MAPRE3: variants seen among roughly 807,000 people sequenced by gnomAD.
The protein encoded by MAPRE3 is microtubule-associated protein RP/EB family member 3.
In MAPRE3, 2 loss-of-function variants were observed where a neutral mutation model predicts 30.5. The ratio of observed to expected loss-of-function variants is 0.07; its 90% CI spans 0.03 to 0.21. The LOEUF (loss-of-function observed/expected upper bound fraction) is 0.21. Ranked by LOEUF, MAPRE3 falls within the 10% of genes least tolerant of loss-of-function variation. The pLI, the probability that MAPRE3 is intolerant of heterozygous loss-of-function variation, is 1.00. For synonymous variants in MAPRE3, 110 were observed against 127.7 expected, an observed-to-expected ratio of 0.86 and a Z score of 0.93; for missense variants, 204 against 351.8, an observed-to-expected ratio of 0.58 and a Z score of 3.36.
At chr2:27,007,023 T>A (rs4665934) in intron 1 of MAPRE3, among the ~76,000 whole-genome samples, 56,953 of 151,580 alleles carry the variant, frequency 0.38, 10,942 homozygotes, top group Admixed American at 0.51. Context: ...AGAATTTATA[T>A]CCTGTCTTTA....
At position 27,022,131 on chromosome 2, in the gene MAPRE3, A is replaced by G. The variant is rs1667121613; in HGVS notation, c.-7-81A>G. On this transcript the variant is annotated intron_variant, in intron 1 of 6. Coordinates refer to ENST00000233121, the MANE Select transcript of MAPRE3 (RefSeq NM_012326.4). ...GAGGGAATGTTTCTTACTTCCCAGT[A>G]TCATACAGCCCCTCTCTCTTGACAG... The G allele has an allele frequency of 8.0e-6, 12 of 1,509,158 alleles. No homozygotes were observed. The South Asian group carries it at 1.3e-4, about 17-fold the overall frequency. 93.5% of individuals were successfully genotyped at this position (1,509,158 alleles called of 1,614,324 possible). A position where few individuals can be genotyped will look rare whatever the true frequency, so the allele number is the denominator to read the frequency against.
Position 27,025,573 on chromosome 2 carries a change from C to T in MAPRE3, c.470-10C>T. 6.4e-7 allele frequency: 1 copy of T among 1,560,242 alleles called. No homozygotes were observed. Among genetic ancestry groups the T allele is most frequent in the Non-Finnish European group, 8.7e-7 (1 of 1,155,532 alleles). On this transcript the variant is annotated splice_polypyrimidine_tract_variant and intron_variant, in intron 4 of 6. Coordinates refer to ENST00000233121, the MANE Select transcript of MAPRE3 (RefSeq NM_012326.4). ...CACGTGGACTTACCTGACTCTTTTC[C>T]TCTGGGCAGTTCCACAGAGGACGTC...
At chr2:27,017,672 C>T (rs914170205) in intron 1 of MAPRE3, among the ~76,000 whole-genome samples, 1 of 152,158 alleles carries the variant, frequency 6.6e-6, no homozygotes, top group African/African-American at 2.4e-5. Context: ...AGTGGCAGAA[C>T]ATCCCAATGT....
chr2:26,994,557 A>G (rs1245239796), intron 1 of MAPRE3, among the ~76,000 whole-genome samples: 8 of 152,300 alleles, frequency 5.3e-5, no homozygotes, highest in South Asian at 4.1e-4. Context: ...AGATTCCATA[A>G]TAAGCCATCC....
rs1451865361 is a variant in MAPRE3, at chr2:27,018,927, A to ATTTT, written c.-7-3282_-7-3279dup. On this transcript the variant is annotated intron_variant, in intron 1 of 6. Coordinates refer to ENST00000233121, the MANE Select transcript of MAPRE3 (RefSeq NM_012326.4). The stretch of plus-strand genomic sequence containing the variant: ...TATTTATTTATTTATTTATTTATTT[A>ATTTT]TTTTTTGGAGATGGATTCTGGCTCT... 6.6e-4 allele frequency among the ~76,000 whole-genome samples: 99 copies of ATTTT among 150,950 alleles called. 6 individuals carry two copies. The highest frequency in any genetic ancestry group is 2.1e-3 in the South Asian group (10 of 4,790).
Position 27,015,225 on chromosome 2 carries a change from T to G in MAPRE3, c.-7-6987T>G, listed in dbSNP as rs1666956860. Among the ~76,000 whole-genome samples the G allele has an allele frequency of 6.6e-6, 1 of 152,270 alleles. No homozygotes were observed. The highest frequency in any genetic ancestry group is 1.5e-5 in the Non-Finnish European group (1 of 68,044). On this transcript the variant is annotated intron_variant, in intron 1 of 6. Coordinates refer to ENST00000233121, the MANE Select transcript of MAPRE3 (RefSeq NM_012326.4). The surrounding 1 kb of genome is among the most constrained non-coding windows in gnomAD (Gnocchi z 4.0). ...AGATTCTCACTGTCTGTCCCCGCGA[T>G]GCTGACAGCACTTGCCAAATACATA...
chr2:27,023,619 T>G (rs1310445127), intron 3 of MAPRE3, 142 bp downstream of exon 3: 4 of 966,346 alleles, frequency 4.1e-6, no homozygotes, highest in Non-Finnish European at 6.4e-6. Flanking sequence ...CAGAGGGAAT[T>G]TTCCCCCTGC....
At chr2:26,975,605 G>C (rs1406221319) in intron 1 of MAPRE3, among the ~76,000 whole-genome samples, 1 of 150,502 alleles carries the variant, frequency 6.6e-6, no homozygotes, top group African/African-American at 2.5e-5. Context: ...GGTGGGATTT[G>C]GGTGTGGGGA....
chr2:26,993,451 C>A (rs1396103897), intron 1 of MAPRE3, among the ~76,000 whole-genome samples: 1 of 152,176 alleles, frequency 6.6e-6, no homozygotes, highest in Non-Finnish European at 1.5e-5. Flanking sequence ...ACCATCTGTT[C>A]TATCATCAGT....
chr2:26,973,433 G>T (rs1665952022), intron 1 of MAPRE3, among the ~76,000 whole-genome samples: 1 of 152,110 alleles, frequency 6.6e-6, no homozygotes, highest in Admixed American at 6.5e-5. Flanking sequence ...CCAACCCAGG[G>T]TCTTAATGTG....
chr2:27,004,595 G>A (rs535753031), intron 1 of MAPRE3, among the ~76,000 whole-genome samples: 7 of 152,138 alleles, frequency 4.6e-5, no homozygotes, highest in East Asian at 1.9e-4. Context: ...ACAGGCATGC[G>A]CCACCATGCC....
intron 1 of MAPRE3, among the ~76,000 whole-genome samples, chr2:26,978,199 A>G (rs564589461): frequency 4.6e-5 from 7 of 152,296 alleles, no homozygotes; most frequent in African/African-American, 1.7e-4. Flanking sequence ...TGTAATTTAT[A>G]TGGTGTTCTC....
At position 27,024,423 on chromosome 2, in the gene MAPRE3, G is replaced by GGATGACGCC. The variant is rs1667189192; in HGVS notation, c.469+128_469+136dup. ...GAGGAGACTTGTTATCACGGAGTTC[G>GGATGACGCC]GATGACGCCGCCTGCTGGCCAGTTA... is the stretch of plus-strand genomic sequence containing the variant. On this transcript the variant is annotated intron_variant, in intron 4 of 6. Transcript: ENST00000233121. 3 of 821,580 alleles carry GGATGACGCC rather than the reference G, an allele frequency of 3.7e-6. No individual in the cohort carries two copies. The African/African-American group carries it at 5.2e-5, about 14-fold the overall frequency. 50.9% of individuals were successfully genotyped at this position (821,580 alleles called of 1,614,324 possible). A position where few individuals can be genotyped will look rare whatever the true frequency, so the allele number is the denominator to read the frequency against.
intron 1 of MAPRE3, among the ~76,000 whole-genome samples, chr2:27,008,123 T>C (rs550826401): frequency 3.6e-4 from 55 of 152,312 alleles, no homozygotes; most frequent in Non-Finnish European, 6.0e-4. Flanking sequence ...CTACAGACAA[T>C]TGGATGTTTG....
At chr2:27,020,850 A>T (rs899163331) in intron 1 of MAPRE3, among the ~76,000 whole-genome samples, 5 of 152,186 alleles carry the variant, frequency 3.3e-5, no homozygotes, top group Admixed American at 2.0e-4. Flanking sequence ...GATTAAGAGG[A>T]GGGAGAGACT....
At chr2:26,989,426 A>G (rs1307466381) in intron 1 of MAPRE3, among the ~76,000 whole-genome samples, 2 of 152,308 alleles carry the variant, frequency 1.3e-5, no homozygotes, top group South Asian at 2.1e-4. Flanking sequence ...AACAGCAGAA[A>G]CTGAATGAAA....
intron 1 of MAPRE3, among the ~76,000 whole-genome samples, chr2:26,992,608 C>T (rs560756514): frequency 6.6e-6 from 1 of 151,782 alleles, no homozygotes; most frequent in South Asian, 2.1e-4. Context: ...AGACAGGTCA[C>T]TCAGCAAACA....
chr2:27,019,718 C>T (rs1429438577), intron 1 of MAPRE3, among the ~76,000 whole-genome samples: 1 of 152,082 alleles, frequency 6.6e-6, no homozygotes, highest in Admixed American at 6.5e-5. Context: ...GGCTTTTTGG[C>T]CCCGCCTGGC....
At chr2:27,016,471 G>A (rs1445545304) in intron 1 of MAPRE3, among the ~76,000 whole-genome samples, 5 of 145,780 alleles carry the variant, frequency 3.4e-5, no homozygotes, top group African/African-American at 7.6e-5. Context: ...TGCAAGCTCC[G>A]CCTCCCGGGT....
Sources: allele counts gnomAD v4.1 joint callset (sites outside exome capture counted in the v4.1 genomes callset), GRCh38; gene constraint gnomAD v4.1.1; non-coding constraint Gnocchi (gnomAD v3.1); transcripts MANE v1.5; gene names NCBI Gene and HGNC (gene_info 2026-07-23, HGNC 2026-07-21).